The following CLDN19 variants were observed in gnomAD, a reference collection of about 807,000 sequenced individuals.
CLDN19 encodes claudin 19.
CLDN19 carries 19 observed loss-of-function variants against 24.5 expected under a neutral mutation model. The observed-to-expected ratio is 0.78, with a 90% CI of 0.54 to 1.14. The LOEUF (loss-of-function observed/expected upper bound fraction) is 1.14. CLDN19 is among the 50% of genes most tolerant of loss of function. CLDN19 has a pLI of 0.00. For synonymous variants in CLDN19, 117 were observed against 129.6 expected, an observed-to-expected ratio of 0.90 and a Z score of 0.66; for missense variants, 250 against 295.9, an observed-to-expected ratio of 0.84 and a Z score of 1.14.
intron 1 of CLDN19, among the ~76,000 whole-genome samples, chr1:42,739,568 C>T (rs564336817): frequency 6.6e-6 from 1 of 152,302 alleles, no homozygotes; most frequent in African/African-American, 2.4e-5. Flanking sequence ...GAGATGAGAA[C>T]ATCACAATGG....
intron 4 of CLDN19, 24 bp from the exon 5 acceptor site, chr1:42,735,158 T>C: frequency 6.2e-7 from 1 of 1,613,702 alleles, no homozygotes; most frequent in Non-Finnish European, 8.5e-7. Flanking sequence ...GAGAGAGAGC[T>C]GGTTAGTGGA....
At chr1:42,736,264 G>T (rs756236178) in intron 3 of CLDN19, among the ~76,000 whole-genome samples, 3 of 151,870 alleles carry the variant, frequency 2.0e-5, no homozygotes, top group Non-Finnish European at 4.4e-5. Context: ...AAGGCTAGAG[G>T]CTGGGCCTCC....
intron 3 of CLDN19, among the ~76,000 whole-genome samples, chr1:42,736,735 C>T (rs181403262): frequency 4.5e-4 from 69 of 152,330 alleles, no homozygotes; most frequent in East Asian, 7.7e-4. Flanking sequence ...GAGGCCTCAG[C>T]CCCTTGCTTG....
intron 1 of CLDN19, 104 bp downstream of exon 1, chr1:42,739,737 G>A (rs1363629349): frequency 7.4e-6 from 7 of 939,868 alleles, no homozygotes; most frequent in Non-Finnish European, 9.8e-6. Flanking sequence ...AGCGGAGGCT[G>A]GAGGTTGGAG....
chr1:42,737,408 T>C lies in CLDN19; in HGVS notation c.473+821A>G, dbSNP rs1651405226. On this transcript the variant is annotated intron_variant, in intron 3 of 4. Transcript: ENST00000296387. Reference sequence around the variant, plus strand: ...GGCCCTCCACGATCTGCCCTTATTCTCAAGTTTCTTCCTGGCCCAGAATAA... The same window carrying C: ...GGCCCTCCACGATCTGCCCTTATTCCCAAGTTTCTTCCTGGCCCAGAATAA... Among the ~76,000 whole-genome samples, 2 of 152,224 alleles carry C rather than the reference T, an allele frequency of 1.3e-5. 1 individual carries two copies. Among genetic ancestry groups the C allele is most frequent in the South Asian group, 4.1e-4 (2 of 4,828 alleles).
In CLDN19 at chr1:42,735,300, C is replaced by A. The variant is rs993520421; in HGVS notation, c.627-166G>T. 2.7e-6 allele frequency: 4 copies of A among 1,506,406 alleles called. No homozygotes were observed. In the African/African-American group the frequency reaches 5.6e-5, roughly 21 times the overall value. The allele number at this position is 1,506,406 out of a possible 1,614,324, so 93.3% of individuals were successfully genotyped here. On this transcript the variant is annotated intron_variant, in intron 4 of 4. Transcript: ENST00000296387. Reference sequence around the variant, plus strand: ...TCCCGGGGGCAGGGGCGCCATGGTCCGACCTCACCATCTGTGTAGGTGGCC... The same window carrying A: ...TCCCGGGGGCAGGGGCGCCATGGTCAGACCTCACCATCTGTGTAGGTGGCC...
chr1:42,738,520 G>T lies in CLDN19; in HGVS notation c.289C>A (p.Leu97Ile). The change falls in exon 2 of 5, where the codon CTC (leucine) becomes ATC (isoleucine). Residue 97 changes from leucine to isoleucine, a missense_variant. Coordinates refer to ENST00000296387, the MANE Select transcript of CLDN19 (RefSeq NM_148960.3). ...GTACACTTCATGCCAACTACGCTGA[G>T]GACCATGGCCACGAAGCCCAGGAGC... is the stretch of plus-strand genomic sequence containing the variant. ...AVLLGFVAMV[L>I]SVVGMKCTRV... The T allele has an allele frequency of 8.1e-6, 13 of 1,614,040 alleles. No homozygotes were observed. Among genetic ancestry groups the T allele is most frequent in the Non-Finnish European group, 1.0e-5 (12 of 1,180,046 alleles).
chr1:42,738,707 G>A (rs1390687735), intron 1 of CLDN19, 122 bp from the exon 2 acceptor site: 10 of 867,874 alleles, frequency 1.2e-5, no homozygotes, highest in Non-Finnish European at 1.8e-5. Context: ...TGGGGGGTCA[G>A]ACCACCTTCT....
At position 42,735,140 on chromosome 1, in the gene CLDN19, A is replaced by G. The variant is rs1651315898; in HGVS notation, c.627-6T>C. On this transcript the variant is annotated splice_polypyrimidine_tract_variant and splice_region_variant and intron_variant, in intron 4 of 4. Coordinates refer to ENST00000296387, the MANE Select transcript of CLDN19 (RefSeq NM_148960.3). The stretch of plus-strand genomic sequence containing the variant: ...CGGGCAATTTAACAACTGGTCTGAA[A>G]GTCAAAAGAGAGAGAGCTGGTTAGT... 1 of 1,614,032 alleles carries G rather than the reference A, an allele frequency of 6.2e-7. No individual in the cohort carries two copies. Among genetic ancestry groups the G allele is most frequent in the Non-Finnish European group, 8.5e-7 (1 of 1,179,948 alleles).
At chr1:42,735,543 CA>C in intron 4 of CLDN19, 1 of 1,418,976 alleles carries the variant, frequency 7.0e-7, no homozygotes, top group Non-Finnish European at 9.2e-7. Context: ...AGCAGACACC[CA>C]AGCAGCTCTT....
At chr1:42,738,881 G>T (rs572736738) in intron 1 of CLDN19, among the ~76,000 whole-genome samples, 1 of 152,264 alleles carries the variant, frequency 6.6e-6, no homozygotes, top group East Asian at 1.9e-4. Context: ...TCCCTCTTGG[G>T]CTTGGCCCAT....
Position 42,738,553 on chromosome 1 carries a change from C to T in CLDN19, c.256G>A (p.Val86Met). The T allele has an allele frequency of 6.2e-7, 1 of 1,613,852 alleles. No homozygotes were observed. The highest frequency in any genetic ancestry group is 1.1e-5 in the South Asian group (1 of 91,088). Residue 86 changes from valine to methionine, a missense_variant, in exon 2 of 5, where the codon GTG becomes ATG. Transcript: ENST00000296387. ...HIQSARALMV[V>M]AVLLGFVAMV... The stretch of plus-strand genomic sequence containing the variant: ...GCCACGAAGCCCAGGAGCACGGCCA[C>T]CACCATCAGGGCCCGCGCTGATTGG...
chr1:42,734,157 T>C lies in CLDN19; in HGVS notation c.*929A>G, dbSNP rs1406709368. On this transcript the variant is annotated 3_prime_UTR_variant, in exon 5 of 5. Transcript: ENST00000296387. ...CAGGGCACACTCTGGTTCAGGGAGA[T>C]GTAGGACAAAGGACTCTGGCCTTGG... The C allele has an allele frequency of 1.3e-5, 2 of 152,408 alleles. No individual in the cohort carries two copies. The highest frequency in any genetic ancestry group is 2.9e-5 in the Non-Finnish European group (2 of 68,234). The allele number at this position is 152,408 out of a possible 1,614,324, so 9.4% of individuals were successfully genotyped here.
chr1:42,738,293 C>G lies in CLDN19; in HGVS notation c.409G>C (p.Val137Leu). 1 of 1,613,908 alleles carries G rather than the reference C, an allele frequency of 6.2e-7. No homozygotes were observed. Among genetic ancestry groups the G allele is most frequent in the Non-Finnish European group, 8.5e-7 (1 of 1,180,036 alleles). Residue 137 changes from valine to leucine, a missense_variant, in exon 3 of 5, where the codon GTC (valine) becomes CTC (leucine). Coordinates refer to ENST00000296387, the MANE Select transcript of CLDN19 (RefSeq NM_148960.3). ...ILAGLCTLTAVSWYATLVTQE... is the reference protein window; with the variant it reads ...ILAGLCTLTALSWYATLVTQE... ...GTCACCAGGGTGGCATACCACGAGACAGCAGTCAAAGTGCAGAGGCCTAAA... is the reference window on the plus strand; with the variant it reads ...GTCACCAGGGTGGCATACCACGAGAGAGCAGTCAAAGTGCAGAGGCCTAAA...
intron 3 of CLDN19, among the ~76,000 whole-genome samples, chr1:42,736,699 C>T (rs921504767): frequency 6.6e-5 from 10 of 152,170 alleles, no homozygotes; most frequent in African/African-American, 1.9e-4. Context: ...CCCCTTGCGC[C>T]GACTCCACTA....
At chr1:42,735,295 T>G in intron 4 of CLDN19, 161 bp from the exon 5 acceptor site, 3 of 1,510,878 alleles carry the variant, frequency 2.0e-6, no homozygotes, top group Non-Finnish European at 2.7e-6. Flanking sequence ...AGGGGCGCCA[T>G]GGTCCGACCT....
At chr1:42,739,158 G>T (rs1206232317) in intron 1 of CLDN19, among the ~76,000 whole-genome samples, 2 of 152,142 alleles carry the variant, frequency 1.3e-5, no homozygotes, top group Non-Finnish European at 2.9e-5. Context: ...GAACTGACCT[G>T]CCTGAACTGG....
intron 3 of CLDN19, among the ~76,000 whole-genome samples, chr1:42,736,643 C>T (rs1651383474): frequency 6.6e-6 from 1 of 152,208 alleles, no homozygotes; most frequent in African/African-American, 2.4e-5. Context: ...GTTCAGATGC[C>T]ACCTCTTCGT....
intron 2 of CLDN19, 29 bp downstream of exon 2, chr1:42,738,392 G>A (rs1651439990): frequency 1.2e-6 from 2 of 1,613,692 alleles, no homozygotes; most frequent in Admixed American, 1.7e-5. Context: ...TGCCATGGTT[G>A]TGATTGTGCA....
Sources: gnomAD v4.1 joint callset for allele counts (sites outside exome capture counted in the v4.1 genomes callset) on GRCh38, gnomAD v4.1.1 for gene constraint, MANE v1.5 for transcripts, NCBI Gene and HGNC (gene_info 2026-07-23, HGNC 2026-07-21) for gene names.